Variants in CLSTN2 observed in about 807,000 individuals in gnomAD.
CLSTN2 encodes the protein calsyntenin-2.
In CLSTN2, 48 loss-of-function variants were observed where a neutral mutation model predicts 101.2. That is an observed-to-expected ratio of 0.47 (90% confidence interval 0.38 to 0.60). The LOEUF is 0.60. CLSTN2 is among the 20% of genes least tolerant of loss of function. The pLI is 0.00. For missense variants in CLSTN2, 1,160 were observed against 1,238.2 expected (o/e 0.94, Z 0.95); for synonymous variants, 481 against 463.6 (o/e 1.04, Z -0.48).
At chr3:140,227,360 T>C (rs1230918739) in intron 2 of CLSTN2, among the ~76,000 whole-genome samples, 1 of 152,216 alleles carries the variant, frequency 6.6e-6, no homozygotes, top group Admixed American at 6.5e-5. Context: ...TTGGACTCCA[T>C]GTCTCACATC....
intron 1 of CLSTN2, among the ~76,000 whole-genome samples, chr3:139,938,140 C>T (rs199805921): frequency 2.1e-5 from 2 of 94,752 alleles, no homozygotes; most frequent in Admixed American, 1.1e-4. Flanking sequence ...ATTCCCATCA[C>T]AAAAAAAAAA....
chr3:140,208,396 C>A (rs575647697), intron 2 of CLSTN2, among the ~76,000 whole-genome samples: 1 of 152,182 alleles, frequency 6.6e-6, no homozygotes, highest in African/African-American at 2.4e-5. Context: ...AACTTTATCT[C>A]TTTTATGAAA....
intron 1 of CLSTN2, among the ~76,000 whole-genome samples, chr3:140,057,943 G>C (rs987998525): frequency 8.5e-5 from 13 of 152,196 alleles, no homozygotes; most frequent in Admixed American, 5.2e-4. Flanking sequence ...TAAGGCAAGA[G>C]ATGATTTTCT....
chr3:140,240,230 AT>A (rs2086453121), intron 2 of CLSTN2, among the ~76,000 whole-genome samples: 3 of 89,224 alleles, frequency 3.4e-5, no homozygotes, highest in African/African-American at 1.1e-4. Flanking sequence ...ACATATATAT[AT>A]ATGCATATAT....
intron 2 of CLSTN2, among the ~76,000 whole-genome samples, chr3:140,357,965 A>T (rs1385857533): frequency 6.6e-6 from 1 of 152,204 alleles, no homozygotes; most frequent in Admixed American, 6.5e-5. Context: ...TGCCCTGGCA[A>T]GAATGTCTCT....
intron 7 of CLSTN2, among the ~76,000 whole-genome samples, chr3:140,463,015 A>G (rs1933599183): frequency 6.6e-6 from 1 of 152,232 alleles, no homozygotes; most frequent in Non-Finnish European, 1.5e-5. Flanking sequence ...CATAGGAAAT[A>G]GGGTTAGGTG....
Position 140,367,461 on chromosome 3 carries a change from C to G in CLSTN2, c.233-36168C>G, listed in dbSNP as rs1478896554. On this transcript the variant is annotated intron_variant, in intron 2 of 16. Transcript: ENST00000458420. ...CGGGGAGGCAGAGGTTGCAGTGAGC[C>G]GAGATTGTACCACTGCACTCCATCC... Among the ~76,000 whole-genome samples the G allele has an allele frequency of 2.8e-5, 4 of 142,498 alleles. No homozygotes were observed. In the Admixed American group the frequency reaches 3.0e-4, roughly 11 times the overall value. The allele number at this position is 142,498 out of a possible 152,430, so 93.5% of individuals were successfully genotyped here.
chr3:140,382,141 A>G (rs1266932034), intron 2 of CLSTN2, among the ~76,000 whole-genome samples: 2 of 152,258 alleles, frequency 1.3e-5, no homozygotes, highest in South Asian at 2.1e-4. Flanking sequence ...TTGCTTACCC[A>G]TTATATCTTC....
intron 4 of CLSTN2, among the ~76,000 whole-genome samples, chr3:140,410,631 G>GTAAAAA (rs2088353961): frequency 6.6e-6 from 1 of 152,036 alleles, no homozygotes; most frequent in African/African-American, 2.4e-5. Flanking sequence ...AAACTCACAG[G>GTAAAAA]TAAAAATCAG....
chr3:139,945,073 G>GT (rs1246815909), intron 1 of CLSTN2, among the ~76,000 whole-genome samples: 4 of 149,668 alleles, frequency 2.7e-5, no homozygotes, highest in African/African-American at 1.0e-4. Context: ...AAAATTGCCA[G>GT]TTAAAAAAAA....
At chr3:140,240,174 CTA>C (rs1226140178) in intron 2 of CLSTN2, among the ~76,000 whole-genome samples, 291 of 13,340 alleles carry the variant, frequency 0.022, 13 homozygotes, top group African/African-American at 0.03. Flanking sequence ...CTCTCTCTCT[CTA>C]TATATATATA....
chr3:140,574,681 C>T lies in CLSTN2; in HGVS notation c.*8428C>T, dbSNP rs1337744548. 2 of 152,212 alleles carry T rather than the reference C, an allele frequency of 1.3e-5. No homozygotes were observed. Among genetic ancestry groups the T allele is most frequent in the African/African-American group, 2.4e-5 (1 of 41,450 alleles). 9.4% of individuals were successfully genotyped at this position (152,212 alleles called of 1,614,324 possible). A position where few individuals can be genotyped will look rare whatever the true frequency, so the allele number is the denominator to read the frequency against. ...TTTATCTTGAAATGAAAATGCATCT[C>T]TGTTACCTGGACCCTTTTTACTGCA... On this transcript the variant is annotated 3_prime_UTR_variant, in exon 17 of 17. Coordinates refer to ENST00000458420, the MANE Select transcript of CLSTN2 (RefSeq NM_022131.3).
chr3:140,459,438 T>C, intron 6 of CLSTN2, 83 bp from the exon 7 acceptor site: 1 of 1,500,448 alleles, frequency 6.7e-7, no homozygotes, highest in Middle Eastern at 1.7e-4. Flanking sequence ...GTACACTGAG[T>C]AGTTCACCTT....
chr3:140,281,438 G>T (rs1281138863), intron 2 of CLSTN2, among the ~76,000 whole-genome samples: 7 of 152,158 alleles, frequency 4.6e-5, no homozygotes, highest in Non-Finnish European at 1.0e-4. Flanking sequence ...ACCTGGGAAA[G>T]TGTATCCAGA....
At chr3:139,991,708 G>T (rs543227156) in intron 1 of CLSTN2, among the ~76,000 whole-genome samples, 2 of 152,364 alleles carry the variant, frequency 1.3e-5, no homozygotes, top group South Asian at 4.1e-4. Flanking sequence ...AGATGCAAGG[G>T]ATAGAAAACT....
intron 2 of CLSTN2, among the ~76,000 whole-genome samples, chr3:140,234,736 G>GTTTCAC (rs1439652426): frequency 6.6e-6 from 1 of 152,168 alleles, no homozygotes; most frequent in Non-Finnish European, 1.5e-5. Context: ...GGCTCTACGT[G>GTTTCAC]TTTCACTTGC....
intron 1 of CLSTN2, among the ~76,000 whole-genome samples, chr3:139,946,989 G>A (rs1264294169): frequency 6.6e-6 from 1 of 152,202 alleles, no homozygotes; most frequent in Non-Finnish European, 1.5e-5. Context: ...GGTTCTGAAT[G>A]TTCATTTTTC....
intron 2 of CLSTN2, among the ~76,000 whole-genome samples, chr3:140,190,112 C>T (rs906057712): frequency 1.3e-5 from 2 of 152,146 alleles, no homozygotes; most frequent in African/African-American, 4.8e-5. Flanking sequence ...GGGCTCTGCC[C>T]TCATGACTTA....
At chr3:140,558,496 G>C (rs993608686) in intron 11 of CLSTN2, 144 bp from the exon 12 acceptor site, 1 of 595,912 alleles carries the variant, frequency 1.7e-6, no homozygotes, top group Non-Finnish European at 2.9e-6. Flanking sequence ...CTTTAAATTT[G>C]AATGTCTGTT....
Sources: gnomAD v4.1 joint callset for allele counts (sites outside exome capture counted in the v4.1 genomes callset) on GRCh38, gnomAD v4.1.1 for gene constraint, MANE v1.5 for transcripts, NCBI Gene and HGNC (gene_info 2026-07-23, HGNC 2026-07-21) for gene names.